PTDSS2: variants seen among roughly 807,000 people sequenced by gnomAD.
The protein encoded by PTDSS2 is PSS-2.
Under a neutral mutation model 64.7 loss-of-function variants are expected in PTDSS2, and 41 were observed. The observed-to-expected ratio is 0.63, with a 90% CI of 0.49 to 0.82. The LOEUF is 0.82. Among genes scored for constraint, PTDSS2 ranks in the 40% least tolerant of loss-of-function variants. The pLI is 0.00. For synonymous variants in PTDSS2, 297 were observed against 277.8 expected, an observed-to-expected ratio of 1.07 and a Z score of -0.69; for missense variants, 485 against 650.0, an observed-to-expected ratio of 0.75 and a Z score of 2.76.
At position 489,551 on chromosome 11, in the gene PTDSS2, G is replaced by A. The variant is rs773748803; in HGVS notation, c.969+37G>A. ...CTGCCTCGCGACGGCGCGGCGGGCGGGGGGCCAGAGCTGGTGCTCACCCTC... is the reference window on the plus strand; with the variant it reads ...CTGCCTCGCGACGGCGCGGCGGGCGAGGGGCCAGAGCTGGTGCTCACCCTC... On this transcript the variant is annotated intron_variant, in intron 9 of 11. Coordinates refer to ENST00000308020, the MANE Select transcript of PTDSS2 (RefSeq NM_030783.3). The A allele has an allele frequency of 9.3e-6, 15 of 1,608,630 alleles. No homozygotes were observed. In the South Asian group the frequency reaches 1.3e-4, roughly 14 times the overall value.
At chr11:466,850 G>C (rs1847169576) in intron 2 of PTDSS2, among the ~76,000 whole-genome samples, 1 of 152,094 alleles carries the variant, frequency 6.6e-6, no homozygotes, top group South Asian at 2.1e-4. Context: ...TTTGGGTGGG[G>C]ACACAGCGAA....
At chr11:464,786 C>G (rs909126777) in intron 2 of PTDSS2, among the ~76,000 whole-genome samples, 7 of 152,310 alleles carry the variant, frequency 4.6e-5, no homozygotes, top group Admixed American at 1.3e-4. Context: ...TAAATTAAAC[C>G]TCTTCACACA....
At chr11:475,267 TTGTGATACGGCCATATTCACGCGTTTG>T (rs1299824249) in intron 3 of PTDSS2, among the ~76,000 whole-genome samples, 23 of 149,174 alleles carry the variant, frequency 1.5e-4, no homozygotes, top group African/African-American at 1.8e-4. Context: ...ATTCACGCGT[TTGTGATACGGCCATATTCACGCGTTTG>T]TGTGATACGG....
intron 1 of PTDSS2, among the ~76,000 whole-genome samples, chr11:452,508 C>T (rs999606541): frequency 2.0e-5 from 3 of 152,206 alleles, no homozygotes; most frequent in African/African-American, 2.4e-5. Flanking sequence ...GGGACACAGA[C>T]GGCTGGGCGC....
Position 484,530 on chromosome 11 carries a change from GGA to G in PTDSS2, c.436-2405_436-2404del, listed in dbSNP as rs534266306. ...GGGGTGCGTGTGTGCTGTGTGCGCA[GGA>G]GAGTGTAAACAGTGCACGGGCGCGT... On this transcript the variant is annotated intron_variant, in intron 4 of 11. Coordinates refer to ENST00000308020, the MANE Select transcript of PTDSS2 (RefSeq NM_030783.3). 5.0e-3 allele frequency among the ~76,000 whole-genome samples: 761 copies of G among 152,000 alleles called. 4 individuals carry two copies. Among genetic ancestry groups the G allele is most frequent in the Admixed American group, 7.3e-3 (112 of 15,288 alleles).
Position 486,764 on chromosome 11 carries a change from C to T in PTDSS2, c.436-175C>T, listed in dbSNP as rs934526295. 11 of 366,670 alleles carry T rather than the reference C, an allele frequency of 3.0e-5. No homozygotes were observed. The South Asian group carries it at 9.9e-4, about 33-fold the overall frequency. The allele number at this position is 366,670 out of a possible 1,614,324, so 22.7% of individuals were successfully genotyped here. A position where few individuals can be genotyped will look rare whatever the true frequency, so the allele number is the denominator to read the frequency against. Reference sequence around the variant, plus strand: ...TCGGGAGGCTGAGGCAGGAGAATGGCGTGAACCCAGGAGGCGGAGCTTGCA... The same window carrying T: ...TCGGGAGGCTGAGGCAGGAGAATGGTGTGAACCCAGGAGGCGGAGCTTGCA... On this transcript the variant is annotated intron_variant, in intron 4 of 11. Transcript: ENST00000308020.
At chr11:457,560 G>A (rs778743805) in intron 1 of PTDSS2, among the ~76,000 whole-genome samples, 6 of 152,308 alleles carry the variant, frequency 3.9e-5, no homozygotes, top group Admixed American at 6.5e-5. Flanking sequence ...ATCTATCCAC[G>A]TTGAGGTCGT....
upstream of PTDSS2, among the ~76,000 whole-genome samples, chr11:448,847 T>C (rs1846200893): frequency 6.6e-6 from 1 of 152,220 alleles, no homozygotes; most frequent in Non-Finnish European, 1.5e-5. Context: ...GTTGAGTGGT[T>C]TTTAGGACAT....
At chr11:466,949 G>A (rs917022089) in intron 2 of PTDSS2, among the ~76,000 whole-genome samples, 1 of 152,168 alleles carries the variant, frequency 6.6e-6, no homozygotes, top group African/African-American at 2.4e-5. Flanking sequence ...CAGCTACTCA[G>A]GAGTCTGAGG....
At chr11:455,241 C>G (rs1354000483) in intron 1 of PTDSS2, among the ~76,000 whole-genome samples, 1 of 152,214 alleles carries the variant, frequency 6.6e-6, no homozygotes, top group African/African-American at 2.4e-5. Flanking sequence ...CGGTTAGCCT[C>G]CCTTAGGCTG....
intron 1 of PTDSS2, among the ~76,000 whole-genome samples, chr11:457,743 G>A (rs535584732): frequency 5.9e-5 from 9 of 152,276 alleles, no homozygotes; most frequent in South Asian, 2.1e-4. Flanking sequence ...TCAGGCCCAC[G>A]TTTGGGAGTG....
In PTDSS2 at chr11:462,037, G is replaced by C. The variant is rs1448602163; in HGVS notation, c.284+1749G>C. On this transcript the variant is annotated intron_variant, in intron 2 of 11. Coordinates refer to ENST00000308020, the MANE Select transcript of PTDSS2 (RefSeq NM_030783.3). This position sits in a 1 kb window ranked among gnomAD's most constrained non-coding sequence, Gnocchi z 4.5. Reference sequence around the variant, plus strand: ...TAGGTGGATTAGGAAGCAGGACCGGGTCTCACCTCAAGTGTCCCACATGGC... The same window carrying C: ...TAGGTGGATTAGGAAGCAGGACCGGCTCTCACCTCAAGTGTCCCACATGGC... Among the ~76,000 whole-genome samples the C allele has an allele frequency of 2.0e-5, 3 of 152,202 alleles. No homozygotes were observed. The highest frequency in any genetic ancestry group is 1.3e-4 in the Admixed American group (2 of 15,286).
intron 2 of PTDSS2, among the ~76,000 whole-genome samples, chr11:471,220 C>T (rs544565386): frequency 2.0e-5 from 3 of 151,752 alleles, no homozygotes; most frequent in South Asian, 4.2e-4. Context: ...TTCAGCCTCC[C>T]GAGTAGCTGG....
intron 9 of PTDSS2, 30 bp from the exon 10 acceptor site, chr11:489,558 A>G (rs1477975271): frequency 2.7e-5 from 43 of 1,608,398 alleles, no homozygotes; most frequent in Non-Finnish European, 3.3e-5. Context: ...GCGGGGGGCC[A>G]GAGCTGGTGC....
Position 479,648 on chromosome 11 carries a change from G to GAC in PTDSS2, c.435+497_435+498dup, listed in dbSNP as rs2133817457. On this transcript the variant is annotated intron_variant, in intron 4 of 11. Coordinates refer to ENST00000308020, the MANE Select transcript of PTDSS2 (RefSeq NM_030783.3). This position sits in a 1 kb window ranked among gnomAD's most constrained non-coding sequence, Gnocchi z 4.2. ...CAGAGGGGACCCCAGCGCCAAGAGG[G>GAC]ACGGGGTCTTTGTTTTTGTGTTTTG... Among the ~76,000 whole-genome samples, 1 of 152,358 alleles carries GAC rather than the reference G, an allele frequency of 6.6e-6. No homozygotes were observed. Among genetic ancestry groups the GAC allele is most frequent in the African/African-American group, 2.4e-5 (1 of 41,580 alleles).
intron 3 of PTDSS2, among the ~76,000 whole-genome samples, chr11:475,506 C>T (rs377608953): frequency 1.6e-4 from 24 of 147,242 alleles, no homozygotes; most frequent in South Asian, 1.1e-3. Flanking sequence ...TTGTGTGATA[C>T]GGCCATATTC....
chr11:485,704 G>A (rs534697549), intron 4 of PTDSS2, among the ~76,000 whole-genome samples: 7 of 141,404 alleles, frequency 5.0e-5, no homozygotes, highest in Admixed American at 2.8e-4. Flanking sequence ...TGCTCACTGC[G>A]CAGGCGAGTG....
At chr11:475,939 A>G (rs1354587710) in intron 3 of PTDSS2, among the ~76,000 whole-genome samples, 2 of 152,226 alleles carry the variant, frequency 1.3e-5, no homozygotes, top group Admixed American at 6.5e-5. Context: ...AGAAGTGAGT[A>G]TTGAATTAAA....
rs1399862988 is a variant in PTDSS2, at chr11:479,485, C to T, written c.435+333C>T. On this transcript the variant is annotated intron_variant, in intron 4 of 11. Transcript: ENST00000308020. This position sits in a 1 kb window ranked among gnomAD's most constrained non-coding sequence, Gnocchi z 4.2. ...GGTGCAGGCACAGAAGAGGGCAGGG[C>T]CAGTGGTGCAGCTGCCAGGGTGGCT... 2.3e-4 allele frequency: 93 copies of T among 395,996 alleles called. 1 individual carries two copies. The South Asian group carries it at 2.5e-3, about 11-fold the overall frequency. 24.5% of individuals were successfully genotyped at this position (395,996 alleles called of 1,614,324 possible).
Sources: allele counts gnomAD v4.1 joint callset (sites outside exome capture counted in the v4.1 genomes callset), GRCh38; gene constraint gnomAD v4.1.1; non-coding constraint Gnocchi (gnomAD v3.1); transcripts MANE v1.5; gene names NCBI Gene and HGNC (gene_info 2026-07-23, HGNC 2026-07-21).